SS18L1: variants seen among roughly 807,000 people sequenced by gnomAD.
SS18L1 encodes calcium-responsive transactivator.
Under a neutral mutation model 70.3 loss-of-function variants are expected in SS18L1, and 32 were observed. That is an observed-to-expected ratio of 0.46 (90% confidence interval 0.34 to 0.61). The LOEUF (loss-of-function observed/expected upper bound fraction) is 0.61. Ranked by LOEUF, SS18L1 falls within the 20% of genes least tolerant of loss-of-function variation. The probability of loss-of-function intolerance (pLI) is 0.01; values close to 1 mark genes in which losing one functional copy is unlikely to be tolerated. For synonymous variants in SS18L1, 237 were observed against 229.7 expected, an observed-to-expected ratio of 1.03 and a Z score of -0.29; for missense variants, 430 against 542.1, an observed-to-expected ratio of 0.79 and a Z score of 2.05.
Position 62,158,581 on chromosome 20 carries a change from A to C in SS18L1, c.70-91A>C. On this transcript the variant is annotated intron_variant, in intron 1 of 10. Transcript: ENST00000331758. This position sits in a 1 kb window ranked among gnomAD's most constrained non-coding sequence, Gnocchi z 4.5. ...GTTTCACGTAAGGGACGCTCAACCT[A>C]TATGAAAACTAGATGTGTAGCGATG... 6.5e-7 allele frequency: 1 copy of C among 1,536,328 alleles called. No homozygotes were observed. The highest frequency in any genetic ancestry group is 8.8e-7 in the Non-Finnish European group (1 of 1,140,436).
chr20:62,144,203 TC>T (rs1184963953), intron 1 of SS18L1, among the ~76,000 whole-genome samples: 2 of 150,696 alleles, frequency 1.3e-5, no homozygotes, highest in Non-Finnish European at 3.0e-5. Context: ...GAGCGCGCTG[TC>T]CCCCGAGTCC....
Position 62,163,750 on chromosome 20 carries a change from G to A in SS18L1, c.721+128G>A, listed in dbSNP as rs1422906881. ...GGGGAGCCTGGGGGAGTGAGGCTTG[G>A]CGCCTTGGTGTTAACATTGAGTGTG... is the stretch of plus-strand genomic sequence containing the variant. On this transcript the variant is annotated intron_variant, in intron 6 of 10. Coordinates refer to ENST00000331758, the MANE Select transcript of SS18L1 (RefSeq NM_198935.3). The A allele has an allele frequency of 3.1e-6, 4 of 1,306,378 alleles. No homozygotes were observed. In the Admixed American group the frequency reaches 1.1e-4, roughly 36 times the overall value. The allele number at this position is 1,306,378 out of a possible 1,614,324, so 80.9% of individuals were successfully genotyped here.
chr20:62,163,242 G>C (rs1663226124), intron 5 of SS18L1, among the ~76,000 whole-genome samples: 1 of 152,194 alleles, frequency 6.6e-6, no homozygotes, highest in African/African-American at 2.4e-5. Context: ...TGGGCTCTCA[G>C]AGGTGGGGTA....
In SS18L1 at chr20:62,164,779, G is replaced by T. The variant is rs148942632; in HGVS notation, c.823+533G>T. Among the ~76,000 whole-genome samples, 5 of 152,288 alleles carry T rather than the reference G, an allele frequency of 3.3e-5. No individual in the cohort carries two copies. In the East Asian group the frequency reaches 9.6e-4, roughly 29 times the overall value. On this transcript the variant is annotated intron_variant, in intron 7 of 10. Transcript: ENST00000331758. ...AACAGCGGTTCACACCTGTCATTCC[G>T]GCACTTTGGGAGGCTGAGGCAGGAG...
At chr20:62,157,849 A>C (rs1284300328) in intron 1 of SS18L1, among the ~76,000 whole-genome samples, 1 of 151,644 alleles carries the variant, frequency 6.6e-6, no homozygotes, top group Non-Finnish European at 1.5e-5. Flanking sequence ...CCGCAGTCTC[A>C]CGCATCTTTT....
chr20:62,162,982 C>T (rs1280445048), intron 5 of SS18L1, 51 bp downstream of exon 5: 1 of 1,589,188 alleles, frequency 6.3e-7, no homozygotes, highest in East Asian at 2.3e-5. Flanking sequence ...GCCTCCAAGA[C>T]CCTTGACACA....
At chr20:62,145,028 C>T (rs534424359) in intron 1 of SS18L1, among the ~76,000 whole-genome samples, 12 of 152,318 alleles carry the variant, frequency 7.9e-5, no homozygotes, top group Non-Finnish European at 1.8e-4. Flanking sequence ...TTGAGACTAC[C>T]TTTGCTGTTG....
chr20:62,154,800 G>A (rs1188077735), intron 1 of SS18L1, among the ~76,000 whole-genome samples: 2 of 152,184 alleles, frequency 1.3e-5, no homozygotes, highest in Non-Finnish European at 2.9e-5. Flanking sequence ...TGAAGGATTT[G>A]GGGGTGATTT....
intron 9 of SS18L1, among the ~76,000 whole-genome samples, 179 bp downstream of exon 9, chr20:62,172,980 G>A (rs1182707288): frequency 6.6e-6 from 1 of 152,224 alleles, no homozygotes; most frequent in African/African-American, 2.4e-5. Context: ...GCCACATGTG[G>A]GTACGTGCCC....
At position 62,172,674 on chromosome 20, in the gene SS18L1, C is replaced by T; in HGVS notation, c.917-8C>T. On this transcript the variant is annotated splice_region_variant and splice_polypyrimidine_tract_variant and intron_variant, in intron 8 of 10. Coordinates refer to ENST00000331758, the MANE Select transcript of SS18L1 (RefSeq NM_198935.3). Reference sequence around the variant, plus strand: ...GAAAGTCATTTCTGTGTCTCCTCCTCCCTCCAGGAAACTCCCAGTACAGCC... The same window carrying T: ...GAAAGTCATTTCTGTGTCTCCTCCTTCCTCCAGGAAACTCCCAGTACAGCC... The T allele has an allele frequency of 6.2e-7, 1 of 1,614,184 alleles. No homozygotes were observed. Among genetic ancestry groups the T allele is most frequent in the South Asian group, 1.1e-5 (1 of 91,082 alleles).
intron 8 of SS18L1, among the ~76,000 whole-genome samples, chr20:62,169,902 C>T (rs2057500188): frequency 6.6e-6 from 1 of 152,230 alleles, no homozygotes; most frequent in African/African-American, 2.4e-5. Context: ...GTGCATTTCT[C>T]AGGCCCTCGC....
In SS18L1 at chr20:62,159,429, G is replaced by C. The variant is rs1243068352; in HGVS notation, c.147-448G>C. ...CGAGGTATACGAGGGGCCTTCCCTG[G>C]CAGAACTGTGCTTCCCCATTTCTTT... On this transcript the variant is annotated intron_variant, in intron 2 of 10. Transcript: ENST00000331758. This position sits in a 1 kb window ranked among gnomAD's most constrained non-coding sequence, Gnocchi z 4.4. Among the ~76,000 whole-genome samples the C allele has an allele frequency of 6.6e-6, 1 of 152,132 alleles. No individual in the cohort carries two copies. The highest frequency in any genetic ancestry group is 6.5e-5 in the Admixed American group (1 of 15,276).
chr20:62,163,451 C>G lies in SS18L1; in HGVS notation c.557-7C>G. The G allele has an allele frequency of 6.2e-7, 1 of 1,611,910 alleles. No individual in the cohort carries two copies. Among genetic ancestry groups the G allele is most frequent in the Non-Finnish European group, 8.5e-7 (1 of 1,179,838 alleles). ...GGGTGATGTGGGGCCTCTGTCCTGT[C>G]GTTCAGTCTCCATGATGCAGCAGCA... On this transcript the variant is annotated splice_polypyrimidine_tract_variant and splice_region_variant and intron_variant, in intron 5 of 10. Coordinates refer to ENST00000331758, the MANE Select transcript of SS18L1 (RefSeq NM_198935.3).
In SS18L1 at chr20:62,175,778, G is replaced by A. The variant is rs537208726; in HGVS notation, c.1164+1134G>A. Among the ~76,000 whole-genome samples, 14 of 152,346 alleles carry A rather than the reference G, an allele frequency of 9.2e-5. No homozygotes were observed. In the South Asian group the frequency reaches 2.7e-3, roughly 29 times the overall value. On this transcript the variant is annotated intron_variant, in intron 10 of 10. Coordinates refer to ENST00000331758, the MANE Select transcript of SS18L1 (RefSeq NM_198935.3). Reference sequence around the variant, plus strand: ...TCCTCCTTCTTCAAGAGGGCAAAGGGTCACCAGGTAGATGTAGAGAAGCCT... The same window carrying A: ...TCCTCCTTCTTCAAGAGGGCAAAGGATCACCAGGTAGATGTAGAGAAGCCT...
intron 1 of SS18L1, among the ~76,000 whole-genome samples, chr20:62,157,370 C>A (rs1426715618): frequency 6.6e-6 from 1 of 152,178 alleles, no homozygotes; most frequent in Non-Finnish European, 1.5e-5. Context: ...GGGAAGGAAA[C>A]CTGGGGAATC....
intron 1 of SS18L1, among the ~76,000 whole-genome samples, chr20:62,144,513 C>T (rs536948430): frequency 6.4e-4 from 97 of 152,340 alleles, no homozygotes; most frequent in African/African-American, 2.2e-3. Flanking sequence ...TTACGCAGCC[C>T]GGCCCCGTAG....
At chr20:62,153,702 C>A (rs1473868280) in intron 1 of SS18L1, among the ~76,000 whole-genome samples, 1 of 152,164 alleles carries the variant, frequency 6.6e-6, no homozygotes, top group Non-Finnish European at 1.5e-5. Flanking sequence ...ACTAGTGTAT[C>A]TCCTCCTTTG....
rs771895181 is a variant in SS18L1, at chr20:62,179,235, TGTG to T, written c.*30_*32del. Reference sequence around the variant, plus strand: ...GGACACACATTCTGGCTGGAGCCCTTGTGGTAGCGTGTTCATCCAGGGGCCGGA... The same window carrying T: ...GGACACACATTCTGGCTGGAGCCCTTGTAGCGTGTTCATCCAGGGGCCGGA... On this transcript the variant is annotated 3_prime_UTR_variant, in exon 11 of 11. Transcript: ENST00000331758. The T allele has an allele frequency of 6.2e-7, 1 of 1,614,062 alleles. No individual in the cohort carries two copies. Among genetic ancestry groups the T allele is most frequent in the South Asian group, 1.1e-5 (1 of 91,080 alleles).
intron 1 of SS18L1, chr20:62,154,371 C>T: frequency 1.9e-6 from 2 of 1,050,472 alleles, no homozygotes; most frequent in Non-Finnish European, 2.3e-6. Context: ...TGCGTCCATT[C>T]CCCCTTCACG....
Sources: allele counts gnomAD v4.1 joint callset (sites outside exome capture counted in the v4.1 genomes callset), GRCh38; gene constraint gnomAD v4.1.1; non-coding constraint Gnocchi (gnomAD v3.1); transcripts MANE v1.5; gene names NCBI Gene and HGNC (gene_info 2026-07-23, HGNC 2026-07-21).